The following LRFN5 variants were observed in gnomAD, a reference collection of about 807,000 sequenced individuals.
The protein encoded by LRFN5 is leucine-rich repeat and fibronectin type-III domain-containing protein 5.
LRFN5 carries 24 observed loss-of-function variants against 45.6 expected under a neutral mutation model. The observed-to-expected ratio is 0.53, with a 90% CI of 0.38 to 0.74. The LOEUF (loss-of-function observed/expected upper bound fraction) is 0.74, where lower values mean the gene tolerates loss of function less well. LRFN5 is among the 30% of genes least tolerant of loss of function. The probability of loss-of-function intolerance (pLI) is 0.00; values close to 1 mark genes in which losing one functional copy is unlikely to be tolerated. For synonymous variants in LRFN5, 340 were observed against 313.8 expected (o/e 1.08, Z -0.88); for missense variants, 776 against 861.5 (o/e 0.90, Z 1.24).
chr14:41,851,235 AC>A (rs1392347772), intron 2 of LRFN5, among the ~76,000 whole-genome samples: 1 of 151,656 alleles, frequency 6.6e-6, no homozygotes. Context: ...TATGTATATT[AC>A]ATAAAACAAT....
intron 1 of LRFN5, among the ~76,000 whole-genome samples, chr14:41,730,853 G>A (rs1475861417): frequency 6.6e-6 from 1 of 151,796 alleles, no homozygotes; most frequent in South Asian, 2.1e-4. Context: ...AGAATTTGAA[G>A]TTGCCTTTCC....
At chr14:41,895,639 A>G (rs1316229241) in intron 4 of LRFN5, among the ~76,000 whole-genome samples, 1 of 152,100 alleles carries the variant, frequency 6.6e-6, no homozygotes, top group Non-Finnish European at 1.5e-5. Context: ...GAGAAGAAAA[A>G]AAAAGTAAAT....
At chr14:41,768,122 C>T (rs750180580) in intron 2 of LRFN5, among the ~76,000 whole-genome samples, 1 of 151,946 alleles carries the variant, frequency 6.6e-6, no homozygotes, top group Admixed American at 6.6e-5. Context: ...CTTAATGAAC[C>T]CACTTTTATT....
chr14:41,675,227 G>A (rs1029544966), intron 1 of LRFN5, among the ~76,000 whole-genome samples: 2 of 152,190 alleles, frequency 1.3e-5, no homozygotes, highest in Admixed American at 6.5e-5. Context: ...CTGCAATCTC[G>A]GCACTTTGGG....
intron 1 of LRFN5, among the ~76,000 whole-genome samples, chr14:41,660,292 C>T (rs1293331895): frequency 6.6e-6 from 1 of 152,100 alleles, no homozygotes; most frequent in African/African-American, 2.4e-5. Context: ...TCCCAAAGTT[C>T]TGGGATTACA....
At chr14:41,865,502 T>A (rs1889809474) in intron 2 of LRFN5, among the ~76,000 whole-genome samples, 1 of 152,190 alleles carries the variant, frequency 6.6e-6, no homozygotes, top group Non-Finnish European at 1.5e-5. Context: ...TCCACATTTT[T>A]GCCATAATGA....
intron 1 of LRFN5, among the ~76,000 whole-genome samples, chr14:41,755,411 T>C (rs1594678068): frequency 6.6e-6 from 1 of 152,334 alleles, no homozygotes; most frequent in Admixed American, 6.5e-5. Flanking sequence ...AGTCTCTTTG[T>C]AGGTCTCTAA....
chr14:41,624,260 G>T (rs1888244746), intron 1 of LRFN5, among the ~76,000 whole-genome samples: 1 of 151,844 alleles, frequency 6.6e-6, no homozygotes, highest in Non-Finnish European at 1.5e-5. Flanking sequence ...AATCATTGTG[G>T]ACTGAAATTT....
intron 4 of LRFN5, 152 bp from the exon 5 acceptor site, chr14:41,898,765 C>A: frequency 1.5e-6 from 1 of 651,580 alleles, no homozygotes; most frequent in Non-Finnish European, 2.6e-6. Flanking sequence ...TGCAATTAAC[C>A]CATGAACTGG....
chr14:41,674,650 G>A (rs2138670376), intron 1 of LRFN5, among the ~76,000 whole-genome samples: 1 of 149,902 alleles, frequency 6.7e-6, no homozygotes, highest in African/African-American at 2.4e-5. Flanking sequence ...CCAGGTGGGG[G>A]GCTGATCCCC....
intron 1 of LRFN5, among the ~76,000 whole-genome samples, chr14:41,697,352 CA>C (rs1480777714): frequency 6.6e-6 from 1 of 151,636 alleles, no homozygotes; most frequent in Non-Finnish European, 1.5e-5. Context: ...GTTTGCTTTA[CA>C]AATCAATAAT....
At chr14:41,788,483 T>G (rs1276357649) in intron 2 of LRFN5, among the ~76,000 whole-genome samples, 2 of 152,028 alleles carry the variant, frequency 1.3e-5, no homozygotes, top group East Asian at 3.9e-4. Flanking sequence ...TGGGAAGAAG[T>G]AGATGCAGGA....
chr14:41,863,097 C>T (rs935376762), intron 2 of LRFN5, among the ~76,000 whole-genome samples: 1 of 152,058 alleles, frequency 6.6e-6, no homozygotes, highest in Non-Finnish European at 1.5e-5. Flanking sequence ...ATCTCCTGAC[C>T]TTGTGATCCG....
chr14:41,644,544 A>T (rs569102205), intron 1 of LRFN5, among the ~76,000 whole-genome samples: 1 of 152,214 alleles, frequency 6.6e-6, no homozygotes, highest in South Asian at 2.1e-4. Flanking sequence ...TGTACCACAC[A>T]GTTTGGCAGG....
At chr14:41,894,215 C>A (rs1440192515) in intron 4 of LRFN5, 1 of 984,920 alleles carries the variant, frequency 1.0e-6, no homozygotes, top group Non-Finnish European at 1.2e-6. Flanking sequence ...GCAACATTAG[C>A]AAGGTTAACA....
At chr14:41,786,837 T>C (rs1029714823) in intron 2 of LRFN5, among the ~76,000 whole-genome samples, 1 of 152,044 alleles carries the variant, frequency 6.6e-6, no homozygotes, top group African/African-American at 2.4e-5. Flanking sequence ...GTTGTTATTA[T>C]ATTTGTGCTT....
chr14:41,638,089 G>A (rs1437794791), intron 1 of LRFN5, among the ~76,000 whole-genome samples: 1 of 152,010 alleles, frequency 6.6e-6, no homozygotes, highest in East Asian at 1.9e-4. Flanking sequence ...TATCCTAAAT[G>A]CATGCTATAG....
At chr14:41,747,092 G>A (rs1174747865) in intron 1 of LRFN5, among the ~76,000 whole-genome samples, 1 of 151,892 alleles carries the variant, frequency 6.6e-6, no homozygotes, top group Non-Finnish European at 1.5e-5. Flanking sequence ...TGTTCACCAT[G>A]GGAAGAGTTA....
chr14:41,805,528 G>T (rs1290817116), intron 2 of LRFN5, among the ~76,000 whole-genome samples: 2 of 150,716 alleles, frequency 1.3e-5, no homozygotes, highest in African/African-American at 4.9e-5. Context: ...CTAGCATTAG[G>T]TATATCTCCC....
Sources: gnomAD v4.1 joint callset for allele counts (sites outside exome capture counted in the v4.1 genomes callset) on GRCh38, gnomAD v4.1.1 for gene constraint, MANE v1.5 for transcripts, NCBI Gene and HGNC (gene_info 2026-07-23, HGNC 2026-07-21) for gene names.